HNF4G: variants seen among roughly 807,000 people sequenced by gnomAD.
HNF4G encodes the protein hepatocyte nuclear factor 4-gamma.
HNF4G carries 21 observed loss-of-function variants against 50.9 expected under a neutral mutation model. The ratio of observed to expected loss-of-function variants is 0.41; its 90% confidence interval spans 0.29 to 0.59. HNF4G has a LOEUF of 0.59. HNF4G is among the 20% of genes least tolerant of loss of function. The probability of loss-of-function intolerance (pLI) is 0.26; values close to 1 mark genes in which losing one functional copy is unlikely to be tolerated. For missense variants in HNF4G, 527 were observed against 559.4 expected (o/e 0.94, Z 0.58); for synonymous variants, 198 against 185.6 (o/e 1.07, Z -0.54).
chr8:75,559,087 A>T, intron 8 of HNF4G, 50 bp downstream of exon 8: 1 of 1,193,100 alleles, frequency 8.4e-7, no homozygotes. Context: ...CACACTAAAT[A>T]TAAGTTTGAC....
intron 1 of HNF4G, among the ~76,000 whole-genome samples, chr8:75,426,929 T>A (rs1810903959): frequency 6.6e-6 from 1 of 152,132 alleles, no homozygotes. Context: ...TAGGGATAAA[T>A]ACAATGATTA....
At chr8:75,522,125 C>T (rs1171527536) in intron 2 of HNF4G, among the ~76,000 whole-genome samples, 1 of 152,168 alleles carries the variant, frequency 6.6e-6, no homozygotes, top group Non-Finnish European at 1.5e-5. Context: ...CAATGAATGA[C>T]AAAAGCTGTA....
Position 75,555,346 on chromosome 8 carries a change from C to T in HNF4G, c.646-636C>T, listed in dbSNP as rs569423131. ...ATTGGTAGGTGTTAAATTTGTAATG[C>T]TTCCTATACTTCCTAGTGGTGATGC... On this transcript the variant is annotated intron_variant, in intron 5 of 9. Transcript: ENST00000396423. Among the ~76,000 whole-genome samples, 12 of 152,190 alleles carry T rather than the reference C, an allele frequency of 7.9e-5. No individual in the cohort carries two copies. In the South Asian group the frequency reaches 2.5e-3, roughly 32 times the overall value.
chr8:75,420,536 CA>C (rs1212516258), intron 1 of HNF4G, among the ~76,000 whole-genome samples: 8 of 152,202 alleles, frequency 5.3e-5, no homozygotes, highest in Non-Finnish European at 1.2e-4. Context: ...TCTAATTAGT[CA>C]AGCTGTTTTT....
At chr8:75,519,223 C>G (rs1805974521) in intron 2 of HNF4G, among the ~76,000 whole-genome samples, 1 of 152,208 alleles carries the variant, frequency 6.6e-6, no homozygotes, top group East Asian at 1.9e-4. Flanking sequence ...TCATCTCCAT[C>G]TGAGACCACC....
intron 2 of HNF4G, among the ~76,000 whole-genome samples, chr8:75,510,189 A>T (rs955927395): frequency 6.6e-6 from 1 of 152,202 alleles, no homozygotes. Flanking sequence ...AAAGTAAAAA[A>T]AAATAAAAAT....
intron 2 of HNF4G, among the ~76,000 whole-genome samples, chr8:75,490,658 A>G (rs1290816943): frequency 6.6e-6 from 1 of 152,124 alleles, no homozygotes; most frequent in Non-Finnish European, 1.5e-5. Flanking sequence ...CAATGTTCTG[A>G]AAAAGATGGC....
At chr8:75,449,308 A>G (rs1266369712) in intron 1 of HNF4G, among the ~76,000 whole-genome samples, 1 of 152,148 alleles carries the variant, frequency 6.6e-6, no homozygotes, top group African/African-American at 2.4e-5. Context: ...CTGCAATTAT[A>G]GAATTAAAGC....
intron 1 of HNF4G, among the ~76,000 whole-genome samples, chr8:75,419,950 A>C (rs1300575234): frequency 6.6e-6 from 1 of 152,238 alleles, no homozygotes; most frequent in Non-Finnish European, 1.5e-5. Context: ...CTTCAGTTGA[A>C]CAACATATAT....
intron 3 of HNF4G, among the ~76,000 whole-genome samples, chr8:75,550,154 A>G (rs1806905450): frequency 6.6e-6 from 1 of 152,156 alleles, no homozygotes; most frequent in Non-Finnish European, 1.5e-5. Flanking sequence ...ATGATATTTT[A>G]ATGCCTTGTT....
intron 1 of HNF4G, among the ~76,000 whole-genome samples, chr8:75,459,354 A>G (rs1811793907): frequency 6.6e-6 from 1 of 152,216 alleles, no homozygotes; most frequent in South Asian, 2.1e-4. Flanking sequence ...CCTAATGTAC[A>G]TGCAGAATTT....
rs377674543 is a variant in HNF4G at position 75,487,638 on chromosome 8, C to T, written c.-143-2451C>T. Among the ~76,000 whole-genome samples, 38 of 152,212 alleles carry T rather than the reference C, an allele frequency of 2.5e-4. No homozygotes were observed. The South Asian group carries it at 5.8e-3, about 23-fold the overall frequency. On this transcript the variant is annotated intron_variant, in intron 1 of 10. Coordinates refer to the HNF4G transcript ENST00000354370. ...CTTAGACCCAGTTTCATGATCACTC[C>T]AGTTCTCAATTATGAATTTTCCTCT...
rs3779733 is a variant in HNF4G at position 75,556,148 on chromosome 8, G to C, written c.733+79G>C. 2.7e-3 allele frequency: 1,722 copies of C among 637,260 alleles called. 28 individuals are homozygous for C. The East Asian group carries it at 0.038, about 14-fold the overall frequency. The allele number at this position is 637,260 out of a possible 1,614,324, so 39.5% of individuals were successfully genotyped here. ...ATATTATACAGGGTCTGTTCTGTAT[G>C]TACCAAGTATTTACAGACACTGGCA... On this transcript the variant is annotated intron_variant, in intron 6 of 9. Coordinates refer to ENST00000396423, the MANE Select transcript of HNF4G (RefSeq NM_004133.5).
At chr8:75,503,441 G>T (rs551413520) in intron 2 of HNF4G, among the ~76,000 whole-genome samples, 1 of 152,164 alleles carries the variant, frequency 6.6e-6, no homozygotes, top group Non-Finnish European at 1.5e-5. Flanking sequence ...AGAGTTGGGT[G>T]TACAGTGTCT....
chr8:75,440,880 C>A (rs1336419936), intron 1 of HNF4G, among the ~76,000 whole-genome samples: 1 of 151,878 alleles, frequency 6.6e-6, no homozygotes, highest in African/African-American at 2.4e-5. Flanking sequence ...ATTTTTGAGA[C>A]AGGATCTTGC....
At chr8:75,505,639 C>T (rs556438981) in intron 2 of HNF4G, among the ~76,000 whole-genome samples, 8 of 151,268 alleles carry the variant, frequency 5.3e-5, no homozygotes, top group East Asian at 1.9e-4. Context: ...CAAATATAAA[C>T]GTACCTTATG....
intron 2 of HNF4G, 106 bp downstream of exon 2, chr8:75,544,085 T>A: frequency 1.0e-6 from 1 of 962,504 alleles, no homozygotes; most frequent in Non-Finnish European, 1.5e-6. Flanking sequence ...TGTAAGTCTA[T>A]AAATACAATC....
Position 75,498,095 on chromosome 8 carries a change from T to C in HNF4G, c.-24+7887T>C, listed in dbSNP as rs146695620. Reference sequence around the variant, plus strand: ...AGATATGCTTAATGCAAGAGATACATATATTCTTATTTCAGCAACATTATA... The same window carrying C: ...AGATATGCTTAATGCAAGAGATACACATATTCTTATTTCAGCAACATTATA... On this transcript the variant is annotated intron_variant, in intron 2 of 10. Coordinates refer to the HNF4G transcript ENST00000354370. Among the ~76,000 whole-genome samples the C allele has an allele frequency of 4.7e-3, 711 of 152,218 alleles. 2 individuals carry two copies. The highest frequency in any genetic ancestry group is 0.016 in the African/African-American group (679 of 41,572).
At chr8:75,449,739 C>T (rs1013455129) in intron 1 of HNF4G, among the ~76,000 whole-genome samples, 2 of 151,956 alleles carry the variant, frequency 1.3e-5, no homozygotes, top group Admixed American at 6.6e-5. Flanking sequence ...GATCTCCTGA[C>T]CTCGTGATCC....
Sources: allele counts gnomAD v4.1 joint callset (sites outside exome capture counted in the v4.1 genomes callset), GRCh38; gene constraint gnomAD v4.1.1; transcripts MANE v1.5; gene names NCBI Gene and HGNC (gene_info 2026-07-23, HGNC 2026-07-21).